Variants in AK5 observed in about 807,000 individuals in gnomAD.
AK5 encodes the protein adenylate kinase 5, also known as adenylate kinase isoenzyme 5.
In AK5, 27 loss-of-function variants were observed where a neutral mutation model predicts 69.5. The observed-to-expected ratio is 0.39, with a 90% CI of 0.29 to 0.54. AK5 has a LOEUF of 0.54. Among genes scored for constraint, AK5 ranks in the 20% least tolerant of loss-of-function variants. The pLI is 0.71. For missense variants in AK5, 531 were observed against 700.4 expected (o/e 0.76, Z 2.73); for synonymous variants, 260 against 244.4 (o/e 1.06, Z -0.60).
chr1:77,282,171 A>T lies in AK5; in HGVS notation c.-143A>T. The T allele has an allele frequency of 1.5e-6, 1 of 655,662 alleles. No individual in the cohort carries two copies. Among genetic ancestry groups the T allele is most frequent in the South Asian group, 2.8e-5 (1 of 36,302 alleles). The allele number at this position is 655,662 out of a possible 1,614,324, so 40.6% of individuals were successfully genotyped here. A position where few individuals can be genotyped will look rare whatever the true frequency, so the allele number is the denominator to read the frequency against. On this transcript the variant is annotated 5_prime_UTR_variant, in exon 1 of 14. Transcript: ENST00000354567. ...CGGAGGGGGTCCCTGGCCTGGGCGG[A>T]GAGGCTGAGCTGAGTGCGCGTGAGA...
At chr1:77,296,063 G>A (rs971729643) in intron 3 of AK5, among the ~76,000 whole-genome samples, 2 of 152,092 alleles carry the variant, frequency 1.3e-5, no homozygotes, top group Admixed American at 1.3e-4. Flanking sequence ...GAAAGAAGAG[G>A]GTGGATCTTA....
At chr1:77,531,988 ATCCGGCC>A (rs1658642126) in intron 12 of AK5, 1 of 81,306 alleles carries the variant, frequency 1.2e-5, no homozygotes, top group South Asian at 3.8e-4. Context: ...GCCTGCGGCC[ATCCGGCC>A]GGCCGGCCGG....
chr1:77,512,171 AACGTTGAGTTCT>A (rs1657386283), intron 10 of AK5, among the ~76,000 whole-genome samples: 1 of 152,156 alleles, frequency 6.6e-6, no homozygotes, highest in Non-Finnish European at 1.5e-5. Flanking sequence ...AGAGAAAATA[AACGTTGAGTTCT>A]AAACTAGATA....
intron 6 of AK5, among the ~76,000 whole-genome samples, chr1:77,380,755 G>A (rs947819576): frequency 5.9e-5 from 9 of 152,170 alleles, no homozygotes; most frequent in Non-Finnish European, 8.8e-5. Context: ...GCAGAGACAA[G>A]GCCATCTAAG....
chr1:77,394,542 A>G (rs963348075), intron 6 of AK5, among the ~76,000 whole-genome samples: 1 of 152,124 alleles, frequency 6.6e-6, no homozygotes, highest in African/African-American at 2.4e-5. Flanking sequence ...GTTAAGTAAA[A>G]GTCTCCCTCA....
At chr1:77,429,892 C>T (rs1235801266) in intron 8 of AK5, among the ~76,000 whole-genome samples, 2 of 152,064 alleles carry the variant, frequency 1.3e-5, no homozygotes, top group Admixed American at 1.3e-4. Context: ...CAGGAAGAAG[C>T]ATGGCATCCA....
chr1:77,452,109 A>C (rs544183740), intron 8 of AK5, among the ~76,000 whole-genome samples: 2 of 152,076 alleles, frequency 1.3e-5, no homozygotes, highest in African/African-American at 4.8e-5. Flanking sequence ...TTACTTTTTA[A>C]TTTATTCTTT....
At chr1:77,417,956 T>C (rs1650540430) in intron 8 of AK5, 1 of 358,104 alleles carries the variant, frequency 2.8e-6, no homozygotes, top group African/African-American at 2.1e-5. Context: ...TCATCAAACG[T>C]TAACATGGGA....
intron 8 of AK5, among the ~76,000 whole-genome samples, chr1:77,430,761 T>C (rs1437946853): frequency 1.3e-5 from 2 of 152,068 alleles, no homozygotes; most frequent in African/African-American, 2.4e-5. Flanking sequence ...AAAACAGTAT[T>C]TCAGGAGGCA....
intron 6 of AK5, among the ~76,000 whole-genome samples, chr1:77,397,853 AATC>A (rs1270423278): frequency 6.6e-6 from 1 of 152,198 alleles, no homozygotes; most frequent in Non-Finnish European, 1.5e-5. Flanking sequence ...AGTAAGCTAT[AATC>A]ATCCCACTGC....
intron 6 of AK5, among the ~76,000 whole-genome samples, chr1:77,403,140 G>A (rs1350436815): frequency 6.6e-6 from 1 of 152,128 alleles, no homozygotes; most frequent in Non-Finnish European, 1.5e-5. Context: ...TTTTGATGGG[G>A]TTGTTTGTTT....
intron 8 of AK5, among the ~76,000 whole-genome samples, chr1:77,436,435 A>G (rs1252385800): frequency 1.3e-5 from 2 of 151,808 alleles, no homozygotes; most frequent in Non-Finnish European, 1.5e-5. Flanking sequence ...AGTATTTTAT[A>G]TATAAGAATG....
chr1:77,531,982 GCGGCCATCCGGCCGGC>G (rs1188025793), intron 12 of AK5: 2 of 107,052 alleles, frequency 1.9e-5, no homozygotes, highest in Non-Finnish European at 2.3e-5. Context: ...CTCACTGCCT[GCGGCCATCCGGCCGGC>G]CGGCCGGCCG....
chr1:77,294,953 CAGG>C (rs1658903751), intron 3 of AK5, among the ~76,000 whole-genome samples: 1 of 151,888 alleles, frequency 6.6e-6, no homozygotes, highest in Non-Finnish European at 1.5e-5. Context: ...AGCTTGAGCC[CAGG>C]AGTTCAAGGT....
chr1:77,348,500 A>C (rs1488292718), intron 6 of AK5, among the ~76,000 whole-genome samples: 1 of 147,576 alleles, frequency 6.8e-6, no homozygotes, highest in Admixed American at 6.8e-5. Context: ...CCTAAAACTT[A>C]AAGTATAATA....
At chr1:77,389,119 T>A (rs184593962) in intron 6 of AK5, among the ~76,000 whole-genome samples, 1 of 152,322 alleles carries the variant, frequency 6.6e-6, no homozygotes, top group East Asian at 1.9e-4. Flanking sequence ...TGGAGGGGAC[T>A]GTACTGTGGG....
Position 77,293,805 on chromosome 1 carries a change from A to G in AK5, c.260A>G (p.Asn87Ser). ...TACTCTTTTGCAGTAATGCCTGAAA[A>G]CTCAAACTTTCCATATCGGCGGTAT... ...RSFLRNVMPE[N>S]SNFPYRRYDR... Residue 87 changes from asparagine to serine, a missense_variant, in exon 3 of 14, where the codon AAC (asparagine) becomes AGC (serine). Asn to Ser is a conservative substitution (Grantham distance 46). Transcript: ENST00000354567. The G allele has an allele frequency of 6.3e-7, 1 of 1,599,620 alleles. No individual in the cohort carries two copies. Among genetic ancestry groups the G allele is most frequent in the Non-Finnish European group, 8.5e-7 (1 of 1,175,152 alleles).
intron 2 of AK5, among the ~76,000 whole-genome samples, chr1:77,289,877 A>C (rs1658587346): frequency 6.6e-6 from 1 of 151,564 alleles, no homozygotes; most frequent in African/African-American, 2.4e-5. Context: ...AAAAAAAAAA[A>C]AAAAAAAAAA....
chr1:77,542,037 G>T (rs1310848727), intron 13 of AK5, among the ~76,000 whole-genome samples: 1 of 152,108 alleles, frequency 6.6e-6, no homozygotes, highest in Admixed American at 6.6e-5. Flanking sequence ...TCACTGAAAA[G>T]AGAAAAACAG....
Sources: gnomAD v4.1 joint callset for allele counts (sites outside exome capture counted in the v4.1 genomes callset) on GRCh38, gnomAD v4.1.1 for gene constraint, MANE v1.5 for transcripts, NCBI Gene and HGNC (gene_info 2026-07-23, HGNC 2026-07-21) for gene names.